Variants in NDUFA10 observed in about 807,000 individuals in gnomAD.
The protein encoded by NDUFA10 is NADH dehydrogenase [ubiquinone] 1 alpha subcomplex subunit 10, mitochondrial.
A neutral mutation model predicts 47.8 loss-of-function variants in NDUFA10; 40 were observed. The observed-to-expected ratio is 0.84, with a 90% CI of 0.65 to 1.09. The LOEUF (loss-of-function observed/expected upper bound fraction) is 1.09. Among genes scored for constraint, NDUFA10 ranks in the 50% least tolerant of loss-of-function variants. The pLI is 0.00. For synonymous variants in NDUFA10, 183 were observed against 172.2 expected (o/e 1.06, Z -0.49); for missense variants, 413 against 451.1 (o/e 0.92, Z 0.76).
intron 9 of NDUFA10, chr2:239,973,694 T>C: frequency 2.2e-6 from 1 of 449,264 alleles, no homozygotes; most frequent in Non-Finnish European, 4.6e-6. Context: ...ACAGTTTGTC[T>C]AATCCAAAGA....
At chr2:240,015,162 T>C (rs1340352583) in intron 4 of NDUFA10, among the ~76,000 whole-genome samples, 1 of 152,198 alleles carries the variant, frequency 6.6e-6, no homozygotes, top group African/African-American at 2.4e-5. Context: ...TTAAGCTACT[T>C]ACACAGAGTA....
intron 9 of NDUFA10, among the ~76,000 whole-genome samples, chr2:239,980,970 C>G (rs1340114075): frequency 6.6e-6 from 1 of 152,194 alleles, no homozygotes; most frequent in Non-Finnish European, 1.5e-5. Context: ...TCTCTCCACA[C>G]AGGTTCGAGG....
At chr2:239,924,479 A>G (rs1366499406) in intron 4 of NDUFA10, among the ~76,000 whole-genome samples, 1 of 152,134 alleles carries the variant, frequency 6.6e-6, no homozygotes. Context: ...CAGAAAATGT[A>G]CTTGACAAAA....
chr2:239,938,544 G>T (rs957542354), intron 4 of NDUFA10, among the ~76,000 whole-genome samples: 25 of 152,250 alleles, frequency 1.6e-4, no homozygotes, highest in Non-Finnish European at 3.4e-4. Context: ...GCCCTGGGAG[G>T]CGGCTACTTC....
chr2:239,953,107 G>T (rs1051369836), downstream of NDUFA10, among the ~76,000 whole-genome samples: 1 of 152,240 alleles, frequency 6.6e-6, no homozygotes, highest in African/African-American at 2.4e-5. Flanking sequence ...ATGGGACCTC[G>T]GGTGGCAAAG....
chr2:239,977,864 G>T (rs908800290), intron 9 of NDUFA10, among the ~76,000 whole-genome samples: 1 of 152,136 alleles, frequency 6.6e-6, no homozygotes, highest in Non-Finnish European at 1.5e-5. Flanking sequence ...AGCTACGCTC[G>T]CAGCACCCTG....
chr2:239,914,909 A>G (rs948257816), intron 4 of NDUFA10, among the ~76,000 whole-genome samples: 1 of 149,968 alleles, frequency 6.7e-6, no homozygotes, highest in Non-Finnish European at 1.5e-5. Flanking sequence ...ACATACTCAG[A>G]CACACACAAA....
intron 7 of NDUFA10, among the ~76,000 whole-genome samples, chr2:240,006,396 T>G (rs1696949781): frequency 6.6e-6 from 1 of 152,188 alleles, no homozygotes; most frequent in Non-Finnish European, 1.5e-5. Context: ...AATGCTACTC[T>G]CTGTGCAGAA....
intron 4 of NDUFA10, chr2:240,017,878 G>A (rs1697428243): frequency 6.4e-7 from 1 of 1,570,790 alleles, no homozygotes; most frequent in Middle Eastern, 1.7e-4. Flanking sequence ...CCAGATTCCA[G>A]CTTTCCACTG....
chr2:239,908,709 G>A (rs773918680), intron 4 of NDUFA10, among the ~76,000 whole-genome samples: 34 of 152,204 alleles, frequency 2.2e-4, no homozygotes, highest in African/African-American at 7.5e-4. Flanking sequence ...TCCCTTATTC[G>A]CAATACATGA....
chr2:239,904,683 C>G (rs928050379), intron 4 of NDUFA10, among the ~76,000 whole-genome samples: 2 of 152,244 alleles, frequency 1.3e-5, no homozygotes. Flanking sequence ...CAGGGCCCCA[C>G]CCCAGCCTGG....
chr2:239,973,573 C>A (rs890337178), intron 9 of NDUFA10: 1 of 471,020 alleles, frequency 2.1e-6, no homozygotes, highest in South Asian at 1.6e-5. Context: ...AAGGAGGGAA[C>A]GATCAGCTTC....
downstream of NDUFA10, among the ~76,000 whole-genome samples, chr2:239,955,434 G>A (rs978542697): frequency 3.3e-5 from 5 of 152,234 alleles, no homozygotes; most frequent in African/African-American, 4.8e-5. Flanking sequence ...TCTGAGCTAA[G>A]AGCTTGTCCT....
At chr2:239,994,018 A>G (rs989360147) in intron 8 of NDUFA10, among the ~76,000 whole-genome samples, 1 of 152,074 alleles carries the variant, frequency 6.6e-6, no homozygotes, top group Non-Finnish European at 1.5e-5. Context: ...GGCAGGCTCG[A>G]GCTCTCGAGT....
intron 4 of NDUFA10, among the ~76,000 whole-genome samples, chr2:239,925,236 A>T (rs1694047497): frequency 6.6e-6 from 1 of 152,178 alleles, no homozygotes; most frequent in South Asian, 2.1e-4. Context: ...GCTTAAACAA[A>T]TTTTGAAAAA....
rs969855091 is a variant in NDUFA10 at position 240,025,235 on chromosome 2, G to A, written c.67C>T (p.Gln23Ter). The A allele has an allele frequency of 2.7e-6, 4 of 1,469,840 alleles. No homozygotes were observed. Among genetic ancestry groups the A allele is most frequent in the Non-Finnish European group, 3.6e-6 (4 of 1,114,710 alleles). 91.0% of individuals were successfully genotyped at this position (1,469,840 alleles called of 1,614,324 possible). ...ASARVVAAGA[Q>*]RVRGIHSSVQ... The stretch of plus-strand genomic sequence containing the variant: ...CCCCGCCGCCCGCTCACCACGCGCT[G>A]GGCGCCCGCCGCCACGACCCGGGCG... The change falls in exon 1 of 10, where the codon CAG becomes TAG. Residue 23 changes from glutamine (Q) to a stop codon, truncating the protein, a stop_gained. Transcript: ENST00000252711. LOFTEE classifies it high-confidence loss of function.
intron 8 of NDUFA10, among the ~76,000 whole-genome samples, chr2:239,997,641 T>C (rs1453753934): frequency 6.6e-6 from 1 of 152,232 alleles, no homozygotes; most frequent in Non-Finnish European, 1.5e-5. Context: ...TACTACATGC[T>C]CTTTACTGTA....
intron 9 of NDUFA10, chr2:239,983,572 A>G (rs1210779437): frequency 5.0e-6 from 8 of 1,597,562 alleles, no homozygotes; most frequent in Non-Finnish European, 6.8e-6. Flanking sequence ...AAAGAGGAAG[A>G]GCAGCTTCCA....
chr2:240,020,445 G>A (rs912468785), intron 3 of NDUFA10, among the ~76,000 whole-genome samples: 12 of 152,160 alleles, frequency 7.9e-5, no homozygotes, highest in Non-Finnish European at 1.2e-4. Flanking sequence ...GTGCATCTGC[G>A]GTCCAACTCT....
Sources: gnomAD v4.1 joint callset for allele counts (sites outside exome capture counted in the v4.1 genomes callset) on GRCh38, gnomAD v4.1.1 for gene constraint, MANE v1.5 for transcripts, NCBI Gene and HGNC (gene_info 2026-07-23, HGNC 2026-07-21) for gene names.